NAV3: variants seen among roughly 807,000 people sequenced by gnomAD.
The protein encoded by NAV3 is pore membrane and/or filament interacting like protein 1.
NAV3 carries 87 observed loss-of-function variants against 244.7 expected under a neutral mutation model. That is an observed-to-expected ratio of 0.36 (90% CI 0.30 to 0.42). NAV3 has a LOEUF of 0.42. Ranked by LOEUF, NAV3 falls within the 20% of genes least tolerant of loss-of-function variation. The pLI is 1.00. For missense variants in NAV3, 2,663 were observed against 2,893.3 expected (o/e 0.92, Z 1.83); for synonymous variants, 1,126 against 1,042.2 (o/e 1.08, Z -1.55).
At position 78,119,651 on chromosome 12, in the gene NAV3, G is replaced by A. The variant is rs771693770; in HGVS notation, c.3455G>A (p.Arg1152Gln). ...TCCAGCACCAGTGGCATTCCTGGCCGAGGAGGCCACAGATCCAGTACCAGC... is the reference window on the plus strand; with the variant it reads ...TCCAGCACCAGTGGCATTCCTGGCCAAGGAGGCCACAGATCCAGTACCAGC... ...SKSSTSGIPG[R>Q]GGHRSSTSSI... Residue 1152 changes from arginine to glutamine, a missense_variant, in exon 15 of 40, where the codon CGA (arginine) becomes CAA (glutamine). Around this residue, in one of 6 missense-constraint regions of NAV3, gnomAD observed 1,521 missense variants for 1,497.0 expected, o/e 1.02. Coordinates refer to ENST00000397909, the MANE Select transcript of NAV3 (RefSeq NM_001024383.2). 1.6e-4 allele frequency: 256 copies of A among 1,614,148 alleles called. 3 individuals carry two copies. The South Asian group carries it at 2.6e-3, about 16-fold the overall frequency.
chr12:77,659,875 A>T (rs987365423), intron 2 of NAV3, among the ~76,000 whole-genome samples: 5 of 150,572 alleles, frequency 3.3e-5, no homozygotes, highest in East Asian at 2.0e-4. Flanking sequence ...AACCAAACAC[A>T]GCATGTTCTC....
At position 77,762,518 on chromosome 12, in the gene NAV3, G is replaced by A. The variant is rs556644039; in HGVS notation, c.73-177801G>A. 6.6e-5 allele frequency among the ~76,000 whole-genome samples: 10 copies of A among 152,190 alleles called. No homozygotes were observed. The East Asian group carries it at 1.9e-3, about 29-fold the overall frequency. On this transcript the variant is annotated intron_variant, in intron 2 of 8. Coordinates refer to the NAV3 transcript ENST00000550042. Reference sequence around the variant, plus strand: ...CTCAGGAGGCTGTGGCAGGGGAATCGCTTGAACCCGGGAGGCGGAGGTTGT... The same window carrying A: ...CTCAGGAGGCTGTGGCAGGGGAATCACTTGAACCCGGGAGGCGGAGGTTGT...
intron 2 of NAV3, among the ~76,000 whole-genome samples, chr12:77,761,996 C>G (rs1869491978): frequency 1.3e-5 from 2 of 152,142 alleles, no homozygotes; most frequent in African/African-American, 4.8e-5. Context: ...TTTCACAGCA[C>G]TATTCACAGT....
At chr12:77,598,174 A>G (rs1870255838) in intron 2 of NAV3, among the ~76,000 whole-genome samples, 1 of 152,026 alleles carries the variant, frequency 6.6e-6, no homozygotes, top group Non-Finnish European at 1.5e-5. Flanking sequence ...TTTTCAGCAA[A>G]TTTGTGATCT....
intron 9 of NAV3, among the ~76,000 whole-genome samples, chr12:78,022,258 C>G (rs1200669805): frequency 1.3e-5 from 2 of 152,020 alleles, no homozygotes; most frequent in Non-Finnish European, 1.5e-5. Flanking sequence ...CTTCAAATGA[C>G]CATTCTAAAA....
chr12:77,950,318 G>A (rs1890750451), intron 3 of NAV3, among the ~76,000 whole-genome samples: 1 of 152,050 alleles, frequency 6.6e-6, no homozygotes, highest in South Asian at 2.1e-4. Context: ...CTAGCATTTG[G>A]TGTTGTCAAT....
chr12:77,660,375 A>C (rs1024764574), intron 2 of NAV3, among the ~76,000 whole-genome samples: 1 of 152,184 alleles, frequency 6.6e-6, no homozygotes, highest in Non-Finnish European at 1.5e-5. Context: ...ATCATAAACT[A>C]AATTATTAAG....
rs1891892561 is a variant in NAV3 at position 77,961,055 on chromosome 12, T to TTACA, written c.415-5173_415-5172insACAT. ...ACGCATATATGTATATATGTATATG[T>TTACA]TGCATGTATACGCATATATGTATAT... On this transcript the variant is annotated intron_variant, in intron 3 of 39. Transcript: ENST00000397909. Among the ~76,000 whole-genome samples, 2 of 132,316 alleles carry TTACA rather than the reference T, an allele frequency of 1.5e-5. 1 individual carries two copies. The highest frequency in any genetic ancestry group is 3.2e-5 in the Non-Finnish European group (2 of 61,692). 86.8% of individuals were successfully genotyped at this position (132,316 alleles called of 152,430 possible).
intron 2 of NAV3, among the ~76,000 whole-genome samples, chr12:77,755,233 C>T (rs1869074430): frequency 6.6e-6 from 1 of 151,978 alleles, no homozygotes; most frequent in Non-Finnish European, 1.5e-5. Context: ...TTATACAGAT[C>T]ACAGGTCTCT....
At chr12:78,051,208 A>G (rs1453081096) in intron 11 of NAV3, 61 bp downstream of exon 11, 1 of 1,522,600 alleles carries the variant, frequency 6.6e-7, no homozygotes, top group Non-Finnish European at 8.9e-7. Flanking sequence ...ACTATAATGC[A>G]TTCACTATAA....
At chr12:77,611,911 T>A (rs1870932514) in intron 2 of NAV3, among the ~76,000 whole-genome samples, 3 of 152,046 alleles carry the variant, frequency 2.0e-5, no homozygotes, top group South Asian at 2.1e-4. Flanking sequence ...TTCAAAGATG[T>A]TTGCTACTAT....
chr12:78,032,936 A>G (rs1388658778), intron 9 of NAV3, among the ~76,000 whole-genome samples: 1 of 152,120 alleles, frequency 6.6e-6, no homozygotes, highest in East Asian at 1.9e-4. Context: ...AAGACTATCC[A>G]CCAACATGTA....
intron 2 of NAV3, among the ~76,000 whole-genome samples, chr12:77,795,310 G>A (rs955218640): frequency 1.6e-4 from 25 of 152,056 alleles, no homozygotes; most frequent in Non-Finnish European, 7.4e-5. Flanking sequence ...AACTGTCTTC[G>A]ATTGTAACAA....
At chr12:78,162,997 T>G (rs1434064048) in intron 23 of NAV3, among the ~76,000 whole-genome samples, 1 of 145,428 alleles carries the variant, frequency 6.9e-6, no homozygotes, top group Non-Finnish European at 1.5e-5. Context: ...GGATTTCAGG[T>G]GATGATAAGC....
chr12:78,103,579 A>G (rs982511649), intron 12 of NAV3, among the ~76,000 whole-genome samples: 10 of 152,174 alleles, frequency 6.6e-5, no homozygotes, highest in Non-Finnish European at 1.5e-4. Context: ...GTCCGTTTTC[A>G]CACTGTTGAT....
At chr12:77,825,426 T>TG (rs1334688397) in intron 2 of NAV3, among the ~76,000 whole-genome samples, 3 of 152,122 alleles carry the variant, frequency 2.0e-5, no homozygotes, top group Non-Finnish European at 2.9e-5. Flanking sequence ...CACAAGAAAG[T>TG]GAACAGGAAT....
intron 8 of NAV3, chr12:78,010,934 T>C (rs1029428516): frequency 3.3e-5 from 5 of 152,082 alleles, no homozygotes. Context: ...ATAATGTGGA[T>C]TCTGGAAGTT....
At chr12:78,012,529 C>T (rs1307403095) in intron 8 of NAV3, among the ~76,000 whole-genome samples, 3 of 152,112 alleles carry the variant, frequency 2.0e-5, no homozygotes, top group Admixed American at 1.3e-4. Flanking sequence ...CACATGCAGT[C>T]CCACCTTCCC....
At chr12:77,657,818 A>T in intron 2 of NAV3, among the ~76,000 whole-genome samples, 1 of 152,144 alleles carries the variant, frequency 6.6e-6, no homozygotes, top group African/African-American at 2.4e-5. Flanking sequence ...CAAATCAATA[A>T]ATGTAATCCA....
Sources: gnomAD v4.1 joint callset for allele counts (sites outside exome capture counted in the v4.1 genomes callset) on GRCh38, gnomAD v4.1.1 for gene constraint, gnomAD v4.1.1 regional missense constraint, MANE v1.5 for transcripts, NCBI Gene and HGNC (gene_info 2026-07-23, HGNC 2026-07-21) for gene names.